HECTD3: variants seen among roughly 807,000 people sequenced by gnomAD.
The protein encoded by HECTD3 is HECT domain E3 ubiquitin protein ligase 3.
In HECTD3, 72 loss-of-function variants were observed where a neutral mutation model predicts 109.3. That is an observed-to-expected ratio of 0.66 (90% CI 0.54 to 0.80). The LOEUF (loss-of-function observed/expected upper bound fraction) is 0.80. HECTD3 is among the 30% of genes least tolerant of loss of function. HECTD3 has a pLI of 0.00. For missense variants in HECTD3, 1,041 were observed against 1,165.2 expected, an observed-to-expected ratio of 0.89 and a Z score of 1.55; for synonymous variants, 481 against 471.8, an observed-to-expected ratio of 1.02 and a Z score of -0.25.
intron 4 of HECTD3, 119 bp downstream of exon 4, chr1:45,009,867 G>T: frequency 7.7e-7 from 1 of 1,291,328 alleles, no homozygotes; most frequent in Non-Finnish European, 1.1e-6. Context: ...GAGCTGAACT[G>T]AGTGTGGCCT....
In HECTD3 at chr1:45,011,115, AGCACCTCTCGCG is replaced by A; in HGVS notation, c.131_142del (p.Pro44_Val47del). ...CGCTGGGTCCTTGTAAAGCTTGTAG[AGCACCTCTCGCG>A]GCACGAAAGCCAGCGCTGCTGGCAG... On this transcript the variant is annotated inframe_deletion, in exon 1 of 21. Transcript: ENST00000372172. 1 of 1,512,548 alleles carries A rather than the reference AGCACCTCTCGCG, an allele frequency of 6.6e-7. No individual in the cohort carries two copies. Among genetic ancestry groups the A allele is most frequent in the Non-Finnish European group, 8.8e-7 (1 of 1,138,288 alleles). 93.7% of individuals were successfully genotyped at this position (1,512,548 alleles called of 1,614,324 possible).
Position 45,005,991 on chromosome 1 carries a change from A to G in HECTD3, c.1845+6T>C. 2 of 1,613,580 alleles carry G rather than the reference A, an allele frequency of 1.2e-6. No individual in the cohort carries two copies. The highest frequency in any genetic ancestry group is 1.7e-6 in the Non-Finnish European group (2 of 1,179,760). Reference sequence around the variant, plus strand: ...ATCGGACGGGGGTGTGGATAAGGCTACTCACCAGGAACTCCTTACCCCGAA... The same window carrying G: ...ATCGGACGGGGGTGTGGATAAGGCTGCTCACCAGGAACTCCTTACCCCGAA... On this transcript the variant is annotated splice_donor_region_variant and intron_variant, in intron 14 of 20. Coordinates refer to ENST00000372172, the MANE Select transcript of HECTD3 (RefSeq NM_024602.6).
chr1:45,009,995 G>A lies in HECTD3; in HGVS notation c.750C>T (p.Ser250=), dbSNP rs779656537. 2.0e-6 allele frequency: 3 copies of A among 1,532,470 alleles called. No homozygotes were observed. Among genetic ancestry groups the A allele is most frequent in the South Asian group, 2.5e-5 (2 of 79,078 alleles). The allele number at this position is 1,532,470 out of a possible 1,614,324, so 94.9% of individuals were successfully genotyped here. The change falls in exon 4 of 21, where the codon TCC becomes TCT. Residue 250 remains serine (S), a synonymous_variant. Coordinates refer to ENST00000372172, the MANE Select transcript of HECTD3 (RefSeq NM_024602.6). ...VKQYVESIDV[S]SYTEEFNVSC... ...GAGCCCCAGCACCCACCGTGTAGGA[G>A]GAAACGTCTATGCTCTCCACATACT...
intron 9 of HECTD3, 137 bp from the exon 10 acceptor site, chr1:45,007,732 C>A (rs750556878): frequency 2.9e-4 from 212 of 718,914 alleles, no homozygotes; most frequent in South Asian, 4.3e-4. Context: ...TGTCTCCAGT[C>A]CCCTCCTTAG....
At position 45,003,044 on chromosome 1, in the gene HECTD3, C is replaced by T. The variant is rs1453929904; in HGVS notation, c.*448G>A. 4 of 175,082 alleles carry T rather than the reference C, an allele frequency of 2.3e-5. No homozygotes were observed. The highest frequency in any genetic ancestry group is 7.1e-5 in the African/African-American group (3 of 42,280). The allele number at this position is 175,082 out of a possible 1,614,324, so 10.8% of individuals were successfully genotyped here. Reference sequence around the variant, plus strand: ...GCTATCACTCCCTGCCCATCCCAGGCTCCCTGCTTGGGGAGGGGCCTCCAC... The same window carrying T: ...GCTATCACTCCCTGCCCATCCCAGGTTCCCTGCTTGGGGAGGGGCCTCCAC... On this transcript the variant is annotated 3_prime_UTR_variant, in exon 21 of 21. Coordinates refer to ENST00000372172, the MANE Select transcript of HECTD3 (RefSeq NM_024602.6). This position sits in a 1 kb window ranked among gnomAD's most constrained non-coding sequence, Gnocchi z 4.7.
At position 45,005,499 on chromosome 1, in the gene HECTD3, G is replaced by A. The variant is rs1175137288; in HGVS notation, c.1935+295C>T. 6 of 303,678 alleles carry A rather than the reference G, an allele frequency of 2.0e-5. No homozygotes were observed. The Admixed American group carries it at 2.3e-4, about 11-fold the overall frequency. 18.8% of individuals were successfully genotyped at this position (303,678 alleles called of 1,614,324 possible). A position where few individuals can be genotyped will look rare whatever the true frequency, so the allele number is the denominator to read the frequency against. ...GACATGGTGCCCTTCTGAGGCAGGA[G>A]CCCTAGAGGGGAGTAGTCTTCGGAG... On this transcript the variant is annotated intron_variant, in intron 15 of 20. Transcript: ENST00000372172.
chr1:45,003,251 A>G lies in HECTD3; in HGVS notation c.*241T>C. On this transcript the variant is annotated 3_prime_UTR_variant, in exon 21 of 21. Transcript: ENST00000372172. The surrounding 1 kb of genome is among the most constrained non-coding windows in gnomAD (Gnocchi z 4.7). The stretch of plus-strand genomic sequence containing the variant: ...CTGGGCTTGTGGAAGATTCCCTCTT[A>G]AGAGGTGAAATACCTCGGGAAGCAA... The G allele has an allele frequency of 1.8e-6, 1 of 541,330 alleles. No individual in the cohort carries two copies. The highest frequency in any genetic ancestry group is 3.3e-6 in the Non-Finnish European group (1 of 299,234). 33.5% of individuals were successfully genotyped at this position (541,330 alleles called of 1,614,324 possible). A position where few individuals can be genotyped will look rare whatever the true frequency, so the allele number is the denominator to read the frequency against.
intron 11 of HECTD3, 26 bp from the exon 12 acceptor site, chr1:45,007,041 CA>C: frequency 6.2e-7 from 1 of 1,613,598 alleles, no homozygotes; most frequent in Non-Finnish European, 8.5e-7. Context: ...GCAGATTTGT[CA>C]TTATGTGGGG....
chr1:45,011,116 G>A lies in HECTD3; in HGVS notation c.142C>T (p.Leu48Phe). 6.6e-7 allele frequency: 1 copy of A among 1,510,038 alleles called. No individual in the cohort carries two copies. Among genetic ancestry groups the A allele is most frequent in the Non-Finnish European group, 8.8e-7 (1 of 1,137,472 alleles). The allele number at this position is 1,510,038 out of a possible 1,614,324, so 93.5% of individuals were successfully genotyped here. ...AALAFVPREVLYKLYKDPAGP... is the reference protein window; with the variant it reads ...AALAFVPREVFYKLYKDPAGP... ...GCTGGGTCCTTGTAAAGCTTGTAGA[G>A]CACCTCTCGCGGCACGAAAGCCAGC... Residue 48 changes from leucine to phenylalanine, a missense_variant, in exon 1 of 21, where the codon CTC (leucine) becomes TTC (phenylalanine). Physicochemically the swap from Leu to Phe is conservative, Grantham distance 22. Around this residue, in one of 2 missense-constraint regions of HECTD3, gnomAD observed 472 missense variants for 449.9 expected, o/e 1.05. Transcript: ENST00000372172.
chr1:45,004,469 A>C, intron 16 of HECTD3, 92 bp from the exon 17 acceptor site: 1 of 1,602,750 alleles, frequency 6.2e-7, no homozygotes, highest in East Asian at 2.2e-5. Context: ...AGCAGCAGAA[A>C]GGTGGCACTG....
rs1006633016 is a variant in HECTD3, at chr1:45,002,724, G to C, written c.*768C>G. ...GGGAGCTATTACAGATTTCAAAAAGGCCATAACTGGCCTTAACCTGTGCAA... is the reference window on the plus strand; with the variant it reads ...GGGAGCTATTACAGATTTCAAAAAGCCCATAACTGGCCTTAACCTGTGCAA... On this transcript the variant is annotated 3_prime_UTR_variant, in exon 21 of 21. Transcript: ENST00000372172. 4 of 152,520 alleles carry C rather than the reference G, an allele frequency of 2.6e-5. No homozygotes were observed. Among genetic ancestry groups the C allele is most frequent in the African/African-American group, 9.7e-5 (4 of 41,448 alleles). The allele number at this position is 152,520 out of a possible 1,614,324, so 9.4% of individuals were successfully genotyped here. A position where few individuals can be genotyped will look rare whatever the true frequency, so the allele number is the denominator to read the frequency against.
rs369246061 is a variant in HECTD3, at chr1:45,010,334, C to T, written c.531-41G>A. The T allele has an allele frequency of 1.2e-5, 19 of 1,581,676 alleles. No individual in the cohort carries two copies. The East Asian group carries it at 2.2e-4, about 19-fold the overall frequency. ...AGGGAGTGGGATGGGGAGACATCAG[C>T]GGTCAGCAAGACACTACCTCCATGC... On this transcript the variant is annotated intron_variant, in intron 2 of 20. Coordinates refer to ENST00000372172, the MANE Select transcript of HECTD3 (RefSeq NM_024602.6).
In HECTD3 at chr1:45,003,888, G is replaced by A. The variant is rs1476974412; in HGVS notation, c.2396C>T (p.Pro799Leu). The A allele has an allele frequency of 6.2e-7, 1 of 1,613,594 alleles. No homozygotes were observed. The highest frequency in any genetic ancestry group is 8.5e-7 in the Non-Finnish European group (1 of 1,179,740). The change falls in exon 19 of 21, where the codon CCA (proline) becomes CTA (leucine). Residue 799 changes from proline to leucine, a missense_variant. This residue lies in a region of HECTD3 where 569 missense variants were observed against 715.3 expected (regional missense o/e 0.80). Coordinates refer to ENST00000372172, the MANE Select transcript of HECTD3 (RefSeq NM_024602.6). The surrounding 1 kb of genome is among the most constrained non-coding windows in gnomAD (Gnocchi z 4.7). ...GTCTGGGTAGATGTAGATCCGTGCT[G>A]GCAGGCGACTGCGGCCCGTGACAAA... ...LRFVTGRSRL[P>L]ARIYIYPDKL...
At chr1:45,007,148 G>A in intron 11 of HECTD3, 71 bp downstream of exon 11, 1 of 1,271,246 alleles carries the variant, frequency 7.9e-7, no homozygotes, top group Non-Finnish European at 1.1e-6. Context: ...GTGTGTGTGT[G>A]TGTGTGTGTT....
In HECTD3 at chr1:45,011,291, C is replaced by T. The variant is rs1004483818; in HGVS notation, c.-34G>A. 2 of 1,350,702 alleles carry T rather than the reference C, an allele frequency of 1.5e-6. No individual in the cohort carries two copies. Among genetic ancestry groups the T allele is most frequent in the Non-Finnish European group, 1.9e-6 (2 of 1,056,732 alleles). 83.7% of individuals were successfully genotyped at this position (1,350,702 alleles called of 1,614,324 possible). On this transcript the variant is annotated 5_prime_UTR_variant, in exon 1 of 21. Coordinates refer to ENST00000372172, the MANE Select transcript of HECTD3 (RefSeq NM_024602.6). ...GGCGGAGGTGAGCACCTAGAGGCGACCCTGCCCGGGGAACAGCTGGCGCGA... is the reference window on the plus strand; with the variant it reads ...GGCGGAGGTGAGCACCTAGAGGCGATCCTGCCCGGGGAACAGCTGGCGCGA...
Position 45,009,979 on chromosome 1 carries a change from C to T in HECTD3, c.759+7G>A. ...TTGCCTGGGGTGGGAGGAGCCCCAG[C>T]ACCCACCGTGTAGGAGGAAACGTCT... On this transcript the variant is annotated splice_region_variant and intron_variant, in intron 4 of 20. Transcript: ENST00000372172. 1 of 1,524,664 alleles carries T rather than the reference C, an allele frequency of 6.6e-7. No homozygotes were observed. The highest frequency in any genetic ancestry group is 8.8e-7 in the Non-Finnish European group (1 of 1,134,650). The allele number at this position is 1,524,664 out of a possible 1,614,324, so 94.4% of individuals were successfully genotyped here. A position where few individuals can be genotyped will look rare whatever the true frequency, so the allele number is the denominator to read the frequency against.
rs1489770256 is a variant in HECTD3 at position 45,003,409 on chromosome 1, C to G, written c.*83G>C. The G allele has an allele frequency of 2.4e-6, 3 of 1,272,862 alleles. No homozygotes were observed. The African/African-American group carries it at 4.4e-5, about 19-fold the overall frequency. The allele number at this position is 1,272,862 out of a possible 1,614,324, so 78.8% of individuals were successfully genotyped here. On this transcript the variant is annotated 3_prime_UTR_variant, in exon 21 of 21. Coordinates refer to ENST00000372172, the MANE Select transcript of HECTD3 (RefSeq NM_024602.6). This position sits in a 1 kb window ranked among gnomAD's most constrained non-coding sequence, Gnocchi z 4.7. ...GTTTTGCTGAGCACGTCAGCCAAACCAGGGCAGGGAAGGTGTCTTCGCCCT... is the reference window on the plus strand; with the variant it reads ...GTTTTGCTGAGCACGTCAGCCAAACGAGGGCAGGGAAGGTGTCTTCGCCCT...
rs377415338 is a variant in HECTD3, at chr1:45,008,232, C to T, written c.1320+8G>A. 1.1e-5 allele frequency: 17 copies of T among 1,610,434 alleles called. No homozygotes were observed. The highest frequency in any genetic ancestry group is 9.4e-5 in the African/African-American group (7 of 74,852). Reference sequence around the variant, plus strand: ...ATGCCAAGACCAGCACTGGCTGGGTCGGCTCACCTTAATCTCACTGAAGGT... The same window carrying T: ...ATGCCAAGACCAGCACTGGCTGGGTTGGCTCACCTTAATCTCACTGAAGGT... On this transcript the variant is annotated splice_region_variant and intron_variant, in intron 9 of 20. Transcript: ENST00000372172.
In HECTD3 at chr1:45,004,252, C is replaced by T; in HGVS notation, c.2268G>A (p.Lys756=). The part of the protein sequence containing the change: ...DPEVTVDALR[K]LTRFEDFEPS... ...GCCCTGCCTTGGGGAACTCACTGAG[C>T]TTGCGCAGAGCATCCACAGTGACCT... is the stretch of plus-strand genomic sequence containing the variant. Residue 756 remains lysine (K), a synonymous_variant, in exon 17 of 21, where the codon AAG becomes AAA. Coordinates refer to ENST00000372172, the MANE Select transcript of HECTD3 (RefSeq NM_024602.6). The T allele has an allele frequency of 1.1e-5, 18 of 1,614,020 alleles. No homozygotes were observed. The highest frequency in any genetic ancestry group is 1.5e-5 in the Non-Finnish European group (18 of 1,179,894).
Sources: gnomAD v4.1 joint callset for allele counts on GRCh38, gnomAD v4.1.1 for gene constraint, gnomAD v4.1.1 regional missense constraint, Gnocchi (gnomAD v3.1) non-coding constraint, MANE v1.5 for transcripts, NCBI Gene and HGNC (gene_info 2026-07-23, HGNC 2026-07-21) for gene names.